The following ME3 variants were observed in gnomAD, a reference collection of about 807,000 sequenced individuals.
ME3 encodes NADP-dependent malic enzyme, mitochondrial.
In ME3, 48 loss-of-function variants were observed where a neutral mutation model predicts 68.9. That is an observed-to-expected ratio of 0.70 (90% confidence interval 0.55 to 0.89). The LOEUF (loss-of-function observed/expected upper bound fraction) is 0.89. Among genes scored for constraint, ME3 ranks in the 40% least tolerant of loss-of-function variants. The pLI is 0.00. For missense variants in ME3, 675 were observed against 797.4 expected, an observed-to-expected ratio of 0.85 and a Z score of 1.85; for synonymous variants, 320 against 318.8, an observed-to-expected ratio of 1.00 and a Z score of -0.04.
chr11:86,523,658 G>C (rs1565897383), intron 4 of ME3, among the ~76,000 whole-genome samples: 1 of 152,142 alleles, frequency 6.6e-6, no homozygotes, highest in Non-Finnish European at 1.5e-5. Context: ...TGAATAAGAA[G>C]AATGCTGATA....
intron 6 of ME3, 46 bp from the exon 7 acceptor site, chr11:86,487,486 TG>T: frequency 6.8e-7 from 1 of 1,479,164 alleles, no homozygotes; most frequent in East Asian, 2.3e-5. Context: ...CCGGTGTTCC[TG>T]TTTTTTTTTT....
intron 11 of ME3, among the ~76,000 whole-genome samples, chr11:86,447,448 C>T (rs1949375672): frequency 6.6e-6 from 1 of 152,172 alleles, no homozygotes; most frequent in Non-Finnish European, 1.5e-5. Flanking sequence ...TAAGCTGCTC[C>T]TGTGAAGGCA....
At chr11:86,666,205 C>T (rs1247130065) in intron 2 of ME3, among the ~76,000 whole-genome samples, 1 of 152,174 alleles carries the variant, frequency 6.6e-6, no homozygotes, top group Non-Finnish European at 1.5e-5. Context: ...CAACTTCTGG[C>T]CAACTGAATG....
At chr11:86,582,916 A>T (rs1314991064) in intron 2 of ME3, among the ~76,000 whole-genome samples, 1 of 152,090 alleles carries the variant, frequency 6.6e-6, no homozygotes, top group African/African-American at 2.4e-5. Context: ...AAGGAAAAAA[A>T]AAAAAAGAAG....
chr11:86,638,130 C>A (rs1202385304), intron 2 of ME3, among the ~76,000 whole-genome samples: 1 of 124,638 alleles, frequency 8.0e-6, no homozygotes, highest in Non-Finnish European at 1.8e-5. Context: ...AAATGGTGTA[C>A]CTCTGACTTT....
At chr11:86,646,130 C>T (rs1944997565) in intron 2 of ME3, among the ~76,000 whole-genome samples, 1 of 152,174 alleles carries the variant, frequency 6.6e-6, no homozygotes, top group Non-Finnish European at 1.5e-5. Flanking sequence ...ATGCCAAAAT[C>T]CAGAATGCTT....
intron 4 of ME3, among the ~76,000 whole-genome samples, chr11:86,520,993 C>T (rs1419746674): frequency 1.3e-5 from 2 of 152,288 alleles, no homozygotes; most frequent in East Asian, 1.9e-4. Flanking sequence ...ATCTGTGACT[C>T]GGAGCTAGAC....
intron 7 of ME3, among the ~76,000 whole-genome samples, chr11:86,477,761 C>T (rs1030078184): frequency 6.6e-6 from 1 of 152,128 alleles, no homozygotes; most frequent in Non-Finnish European, 1.5e-5. Flanking sequence ...TGCAAACTCA[C>T]TCAATTATGC....
At chr11:86,568,082 A>C (rs1456705327) in intron 2 of ME3, among the ~76,000 whole-genome samples, 1 of 152,174 alleles carries the variant, frequency 6.6e-6, no homozygotes, top group Admixed American at 6.5e-5. Context: ...GTTACAGATT[A>C]TATTATCTGG....
chr11:86,458,423 A>G (rs1049387735), intron 8 of ME3, among the ~76,000 whole-genome samples: 5 of 152,130 alleles, frequency 3.3e-5, no homozygotes, highest in African/African-American at 1.2e-4. Flanking sequence ...AATGGAGAAG[A>G]TAGGGTTAGG....
At chr11:86,468,981 G>T (rs1166928267) in intron 7 of ME3, among the ~76,000 whole-genome samples, 1 of 152,144 alleles carries the variant, frequency 6.6e-6, no homozygotes, top group African/African-American at 2.4e-5. Context: ...CACTTGGTAA[G>T]TGGTGGAGCT....
intron 2 of ME3, among the ~76,000 whole-genome samples, chr11:86,602,117 G>A (rs11234711): frequency 0.11 from 16,445 of 147,494 alleles, 555 homozygotes; most frequent in East Asian, 0.33. Context: ...AATTAGGCAG[G>A]AGAAGGAAAT....
intron 6 of ME3, among the ~76,000 whole-genome samples, chr11:86,490,839 A>G (rs1424906963): frequency 6.6e-6 from 1 of 152,210 alleles, no homozygotes; most frequent in Non-Finnish European, 1.5e-5. Flanking sequence ...CAAGCAGCAT[A>G]GAGTGAATTT....
chr11:86,639,845 G>A (rs1216353944), intron 2 of ME3, among the ~76,000 whole-genome samples: 6 of 152,184 alleles, frequency 3.9e-5, no homozygotes, highest in Non-Finnish European at 8.8e-5. Context: ...TCTCTAAGAA[G>A]GGCAGATAAT....
intron 2 of ME3, among the ~76,000 whole-genome samples, chr11:86,585,888 A>G (rs914578529): frequency 1.3e-5 from 2 of 152,184 alleles, no homozygotes; most frequent in African/African-American, 4.8e-5. Context: ...GGTTGTCACC[A>G]GGTGACAAAG....
intron 4 of ME3, among the ~76,000 whole-genome samples, chr11:86,515,013 G>A (rs1361773216): frequency 1.3e-5 from 2 of 152,190 alleles, no homozygotes; most frequent in South Asian, 2.1e-4. Flanking sequence ...TAGTATGCAT[G>A]TTTGTCAGGA....
intron 2 of ME3, among the ~76,000 whole-genome samples, chr11:86,618,132 G>A (rs912924338): frequency 6.6e-6 from 1 of 151,468 alleles, no homozygotes; most frequent in Non-Finnish European, 1.5e-5. Flanking sequence ...AACCCCATCT[G>A]TACTAAAAAT....
intron 6 of ME3, among the ~76,000 whole-genome samples, chr11:86,495,280 TA>T (rs751932187): frequency 2.6e-5 from 4 of 152,182 alleles, no homozygotes; most frequent in Non-Finnish European, 5.9e-5. Flanking sequence ...GAGTGGTCCA[TA>T]AAAAGGGCCT....
chr11:86,469,332 G>A (rs1950656395), intron 7 of ME3, among the ~76,000 whole-genome samples: 1 of 152,198 alleles, frequency 6.6e-6, no homozygotes, highest in Admixed American at 6.5e-5. Flanking sequence ...ACATTTCTCT[G>A]TGAGAGCAAC....
Sources: gnomAD v4.1 joint callset for allele counts (sites outside exome capture counted in the v4.1 genomes callset) on GRCh38, gnomAD v4.1.1 for gene constraint, MANE v1.5 for transcripts, NCBI Gene and HGNC (gene_info 2026-07-23, HGNC 2026-07-21) for gene names.